NPSR1: variants seen among roughly 807,000 people sequenced by gnomAD.
NPSR1 encodes neuropeptide S receptor.
In NPSR1, 48 loss-of-function variants were observed where a neutral mutation model predicts 46.9. That is an observed-to-expected ratio of 1.02 (90% confidence interval 0.81 to 1.30). The LOEUF is 1.30. Ranked by LOEUF, NPSR1 falls within the 50% of genes most tolerant of loss-of-function variation. NPSR1 has a pLI of 0.00. For missense variants in NPSR1, 450 were observed against 449.5 expected (o/e 1.00, Z -0.01); for synonymous variants, 176 against 168.1 (o/e 1.05, Z -0.36).
chr7:34,744,923 C>T (rs535112846), intron 2 of NPSR1, among the ~76,000 whole-genome samples: 1 of 152,260 alleles, frequency 6.6e-6, no homozygotes, highest in East Asian at 1.9e-4. Context: ...CACACTTTCT[C>T]CTTGTCATAA....
intron 6 of NPSR1, among the ~76,000 whole-genome samples, chr7:34,836,658 A>G (rs555483307): frequency 1.1e-4 from 17 of 151,070 alleles, no homozygotes; most frequent in Admixed American, 6.6e-4. Flanking sequence ...AAAGAAAGAC[A>G]GAAAGAAGAA....
intron 2 of NPSR1, among the ~76,000 whole-genome samples, chr7:34,754,252 C>T (rs1467694010): frequency 6.6e-6 from 1 of 152,140 alleles, no homozygotes; most frequent in Non-Finnish European, 1.5e-5. Flanking sequence ...ACAATATACA[C>T]AAGAACACAT....
intron 4 of NPSR1, among the ~76,000 whole-genome samples, chr7:34,814,936 T>C (rs1789170177): frequency 6.6e-6 from 1 of 152,034 alleles, no homozygotes; most frequent in African/African-American, 2.4e-5. Context: ...AGACCAAAGG[T>C]AGATAAAACC....
chr7:34,662,204 G>A (rs371620), intron 1 of NPSR1, among the ~76,000 whole-genome samples: 1 of 151,848 alleles, frequency 6.6e-6, no homozygotes, highest in Non-Finnish European at 1.5e-5. Flanking sequence ...CTTTTATTGC[G>A]CCTCCTTCGG....
In NPSR1 at chr7:34,878,155, G is replaced by C. The variant is rs1389108207; in HGVS notation, c.1105G>C (p.Gly369Arg). The C allele has an allele frequency of 1.9e-6, 3 of 1,605,996 alleles. No individual in the cohort carries two copies. The African/African-American group carries it at 4.0e-5, about 22-fold the overall frequency. ...AGAGAACTGGAAGGGTACTTGGCCAGGTGTACCTTCCTGGGCTCTTCCAAG... is the reference window on the plus strand; with the variant it reads ...AGAGAACTGGAAGGGTACTTGGCCACGTGTACCTTCCTGGGCTCTTCCAAG... The change falls in exon 9 of 9, where the codon GGT becomes CGT. Residue 369 changes from glycine (G) to arginine (R), a missense_variant. Gly to Arg is a moderately radical substitution (Grantham distance 125, BLOSUM62 -2). Transcript: ENST00000359791.
chr7:34,674,107 C>T (rs1056170709), intron 1 of NPSR1, among the ~76,000 whole-genome samples: 1 of 152,150 alleles, frequency 6.6e-6, no homozygotes, highest in Non-Finnish European at 1.5e-5. Flanking sequence ...CTAGCCCAGT[C>T]CTAGCTTCAG....
intron 4 of NPSR1, among the ~76,000 whole-genome samples, chr7:34,819,015 A>G (rs1562752969): frequency 6.6e-6 from 1 of 152,190 alleles, no homozygotes; most frequent in Non-Finnish European, 1.5e-5. Flanking sequence ...ATGGGCAAAG[A>G]CTTCATGACT....
chr7:34,696,078 T>TAAAAA (rs34574984), intron 2 of NPSR1, among the ~76,000 whole-genome samples: 6 of 113,876 alleles, frequency 5.3e-5, no homozygotes, highest in African/African-American at 9.8e-5. Flanking sequence ...GTTGATTTGA[T>TAAAAA]AAAAAAAAAA....
intron 3 of NPSR1, among the ~76,000 whole-genome samples, chr7:34,808,194 A>G (rs1467359657): frequency 1.3e-5 from 2 of 152,204 alleles, no homozygotes; most frequent in Non-Finnish European, 2.9e-5. Context: ...GAGTCTCTGG[A>G]GGACTCATGG....
intron 4 of NPSR1, among the ~76,000 whole-genome samples, chr7:34,821,445 CATCT>C: frequency 6.6e-6 from 1 of 152,152 alleles, no homozygotes; most frequent in Non-Finnish European, 1.5e-5. Context: ...CTTATTTATC[CATCT>C]ATTTGTTTAT....
At chr7:34,757,376 C>G in intron 2 of NPSR1, among the ~76,000 whole-genome samples, 1 of 152,154 alleles carries the variant, frequency 6.6e-6, no homozygotes, top group Admixed American at 6.5e-5. Flanking sequence ...CTCAGGTACA[C>G]TTATTCAAAA....
intron 1 of NPSR1, among the ~76,000 whole-genome samples, chr7:34,682,598 C>T (rs1792701528): frequency 1.3e-5 from 2 of 152,000 alleles, no homozygotes; most frequent in African/African-American, 4.8e-5. Flanking sequence ...GTTTATGTCC[C>T]ACTGCTGGCA....
chr7:34,663,800 C>A (rs1791596420), intron 1 of NPSR1, among the ~76,000 whole-genome samples: 1 of 152,330 alleles, frequency 6.6e-6, no homozygotes, highest in South Asian at 2.1e-4. Context: ...AAGTCACACC[C>A]TCTTGCAACA....
intron 2 of NPSR1, among the ~76,000 whole-genome samples, chr7:34,748,846 A>G (rs2128722710): frequency 6.6e-6 from 1 of 151,932 alleles, no homozygotes; most frequent in South Asian, 2.1e-4. Flanking sequence ...TATGTCTGGG[A>G]GGCATAGCAT....
chr7:34,747,598 CA>C (rs149057805), intron 2 of NPSR1, among the ~76,000 whole-genome samples: 3,315 of 152,240 alleles, frequency 0.022, 127 homozygotes, highest in African/African-American at 0.073. Flanking sequence ...TACCAAGAAC[CA>C]GGCATCTTAG....
Position 34,849,553 on chromosome 7 carries a change from G to T in NPSR1, c.1026-12G>T, listed in dbSNP as rs770639362. The T allele has an allele frequency of 3.1e-6, 5 of 1,613,778 alleles. No homozygotes were observed. The highest frequency in any genetic ancestry group is 1.1e-5 in the South Asian group (1 of 91,030). ...ATTATTTCCCTCCCTGCTTTATTTT[G>T]ACTTTCTCCAGGGAGCAAAGATCAC... On this transcript the variant is annotated splice_polypyrimidine_tract_variant and intron_variant, in intron 8 of 8. Coordinates refer to ENST00000360581, the MANE Select transcript of NPSR1 (RefSeq NM_207172.2).
At chr7:34,837,051 G>A (rs928720635) in intron 6 of NPSR1, among the ~76,000 whole-genome samples, 13 of 152,296 alleles carry the variant, frequency 8.5e-5, no homozygotes, top group African/African-American at 2.9e-4. Context: ...GATAGCTAGA[G>A]AGAGAGGGAG....
At chr7:34,849,089 C>T (rs1318418429) in intron 8 of NPSR1, among the ~76,000 whole-genome samples, 1 of 152,170 alleles carries the variant, frequency 6.6e-6, no homozygotes, top group Non-Finnish European at 1.5e-5. Flanking sequence ...TAAATCCCTC[C>T]CACAGTTATT....
intron 3 of NPSR1, among the ~76,000 whole-genome samples, chr7:34,793,285 C>G (rs1584037569): frequency 6.6e-6 from 1 of 151,966 alleles, no homozygotes. Flanking sequence ...GAATGGGAGA[C>G]TATTGGCAAA....
Sources: allele counts gnomAD v4.1 joint callset (sites outside exome capture counted in the v4.1 genomes callset), GRCh38; gene constraint gnomAD v4.1.1; transcripts MANE v1.5; gene names NCBI Gene and HGNC (gene_info 2026-07-23, HGNC 2026-07-21).